The following MMGT1 variants were observed in gnomAD, a reference collection of about 807,000 sequenced individuals.
The protein encoded by MMGT1 is ER membrane protein complex subunit 5.
MMGT1 carries 2 observed loss-of-function variants against 11.7 expected under a neutral mutation model. That is an observed-to-expected ratio of 0.17 (90% confidence interval 0.07 to 0.54). MMGT1 has a LOEUF of 0.54. MMGT1 is among the 20% of genes least tolerant of loss of function. MMGT1 has a pLI of 0.94. For synonymous variants in MMGT1, 49 were observed against 44.4 expected, an observed-to-expected ratio of 1.10 and a Z score of -0.41; for missense variants, 74 against 109.0, an observed-to-expected ratio of 0.68 and a Z score of 1.43.
chrX:135,969,773 C>T (rs1390457257), intron 2 of MMGT1, among the ~76,000 whole-genome samples: 1 of 112,222 alleles, frequency 8.9e-6, no homozygotes, highest in Non-Finnish European at 1.9e-5. Flanking sequence ...ACATGTATAA[C>T]TTTTTAAAGA....
intron 1 of MMGT1, among the ~76,000 whole-genome samples, chrX:135,972,354 T>C (rs1265745954): frequency 8.9e-6 from 1 of 112,715 alleles, no homozygotes; most frequent in East Asian, 2.8e-4. Flanking sequence ...GTATTGACTC[T>C]TGAAGAAGAA....
In MMGT1 at chrX:135,965,088, T is replaced by A. The variant is rs1335445874; in HGVS notation, c.332A>T (p.Asn111Ile). ...TGTGTTAGAGGACAATGCATCTTGG[T>A]TTGAAGAATTTGCTGTATCCGAAGG... ...FRPSDTANSS[N>I]QDALSSNTSL... Residue 111 changes from asparagine to isoleucine, a missense_variant, in exon 4 of 4, where the codon AAC becomes ATC. Asn to Ile is a moderately radical substitution (Grantham distance 149, BLOSUM62 -3). Around this residue, in one of 2 missense-constraint regions of MMGT1, gnomAD observed 34 missense variants for 29.3 expected, o/e 1.16. Transcript: ENST00000305963. 8.3e-7 allele frequency: 1 copy of A among 1,206,409 alleles called. No homozygotes were observed. Among genetic ancestry groups the A allele is most frequent in the African/African-American group, 1.8e-5 (1 of 57,041 alleles).
intron 3 of MMGT1, 98 bp from the exon 4 acceptor site, chrX:135,965,281 T>C: frequency 1.6e-6 from 1 of 619,739 alleles, no homozygotes. Context: ...TACTATGGGT[T>C]ATATTTTTTA....
rs1556612103 is a variant in MMGT1 at position 135,967,480 on chromosome X, G to A, written c.146C>T (p.Thr49Ile). The change falls in exon 3 of 4, where the codon ACA (threonine) becomes ATA (isoleucine). Residue 49 changes from threonine (T) to isoleucine (I), a missense_variant. By Grantham distance (89) the Thr-to-Ile change is moderately conservative. Coordinates refer to ENST00000305963, the MANE Select transcript of MMGT1 (RefSeq NM_173470.3). ...ACAGGTAACTGCAAAGGCCAGAAGTGTCTGAAGAACTATCTGTGAGTATAA... is the reference window on the plus strand; with the variant it reads ...ACAGGTAACTGCAAAGGCCAGAAGTATCTGAAGAACTATCTGTGAGTATAA... ...ESLPIDIVLQ[T>I]LLAFAVTCYG... The A allele has an allele frequency of 8.7e-7, 1 of 1,143,571 alleles. No individual in the cohort carries two copies. Among genetic ancestry groups the A allele is most frequent in the Non-Finnish European group, 1.2e-6 (1 of 842,867 alleles). The allele number at this position is 1,143,571 out of a possible 1,213,427, so 94.2% of individuals were successfully genotyped here. A position where few individuals can be genotyped will look rare whatever the true frequency, so the allele number is the denominator to read the frequency against.
At chrX:135,968,540 T>G (rs1174113684) in intron 2 of MMGT1, among the ~76,000 whole-genome samples, 5 of 107,937 alleles carry the variant, frequency 4.6e-5, no homozygotes, top group African/African-American at 6.8e-5. Flanking sequence ...TGTGTGTGTT[T>G]TCTTTTTTTG....
intron 2 of MMGT1, among the ~76,000 whole-genome samples, chrX:135,968,048 C>T (rs781992882): frequency 3.0e-4 from 34 of 111,809 alleles, no homozygotes; most frequent in African/African-American, 1.1e-3. Context: ...GACGGGGTTT[C>T]TCCATGTTGG....
In MMGT1 at chrX:135,964,994, C is replaced by T; in HGVS notation, c.*30G>A. 1 of 1,185,002 alleles carries T rather than the reference C, an allele frequency of 8.4e-7. No individual in the cohort carries two copies. The highest frequency in any genetic ancestry group is 1.1e-6 in the Non-Finnish European group (1 of 873,611). ...AAACTCCAATATTCCAGCTCTGTGT[C>T]CTGTCCTATTATTATAATTTGTAAA... On this transcript the variant is annotated 3_prime_UTR_variant, in exon 4 of 4. Coordinates refer to ENST00000305963, the MANE Select transcript of MMGT1 (RefSeq NM_173470.3).
chrX:135,969,043 G>A (rs2089202495), intron 2 of MMGT1, among the ~76,000 whole-genome samples: 1 of 111,220 alleles, frequency 9.0e-6, no homozygotes, highest in Non-Finnish European at 1.9e-5. Context: ...CAAAGAGGTT[G>A]AGCGAGCAAA....
At chrX:135,971,309 A>C (rs2089217594) in intron 1 of MMGT1, among the ~76,000 whole-genome samples, 199 bp from the exon 2 acceptor site, 1 of 111,726 alleles carries the variant, frequency 9.0e-6, no homozygotes, top group Non-Finnish European at 1.9e-5. Flanking sequence ...TAAAATAAAA[A>C]ATAAAAAAAG....
intron 1 of MMGT1, among the ~76,000 whole-genome samples, chrX:135,971,873 A>G (rs2089221531): frequency 8.9e-6 from 1 of 112,565 alleles, no homozygotes; most frequent in East Asian, 2.7e-4. Flanking sequence ...CTATAATTTC[A>G]TTTAATTAAA....
Position 135,965,194 on chromosome X carries a change from GA to G in MMGT1, c.237-12del. ...AACGTATCAAATGTCCTTGAAAGAA[GA>G]AAAAAGCATCAATTTTAGATAAACC... On this transcript the variant is annotated splice_polypyrimidine_tract_variant and intron_variant, in intron 3 of 3. Transcript: ENST00000305963. 2 of 1,173,290 alleles carry G rather than the reference GA, an allele frequency of 1.7e-6. No individual in the cohort carries two copies. The highest frequency in any genetic ancestry group is 2.3e-6 in the Non-Finnish European group (2 of 868,261).
chrX:135,963,369 C>T lies in MMGT1; in HGVS notation c.*1655G>A, dbSNP rs1307385590. 8.9e-6 allele frequency: 1 copy of T among 112,070 alleles called. No individual in the cohort carries two copies. The highest frequency in any genetic ancestry group is 1.9e-5 in the Non-Finnish European group (1 of 53,199). The allele number at this position is 112,070 out of a possible 1,213,427, so 9.2% of individuals were successfully genotyped here. A position where few individuals can be genotyped will look rare whatever the true frequency, so the allele number is the denominator to read the frequency against. ...ACCCCAAAGAGAAGGAAACAAGAGG[C>T]TCTTCCAAACCAAATCGTACCAGAA... On this transcript the variant is annotated 3_prime_UTR_variant, in exon 4 of 4. Coordinates refer to ENST00000305963, the MANE Select transcript of MMGT1 (RefSeq NM_173470.3).
intron 2 of MMGT1, 152 bp from the exon 3 acceptor site, chrX:135,967,645 A>C: frequency 2.6e-6 from 1 of 390,286 alleles, no homozygotes; most frequent in Non-Finnish European, 4.5e-6. Flanking sequence ...TGGGATTCAG[A>C]CACAATACAA....
intron 2 of MMGT1, among the ~76,000 whole-genome samples, chrX:135,967,755 G>C (rs2089194128): frequency 8.9e-6 from 1 of 111,842 alleles, no homozygotes; most frequent in African/African-American, 3.2e-5. Flanking sequence ...GAATGGTACT[G>C]AGCCACTCAG....
chrX:135,973,665 G>C lies in MMGT1; in HGVS notation c.11C>G (p.Ser4Trp), dbSNP rs1556612836. 8.6e-7 allele frequency: 1 copy of C among 1,167,469 alleles called. No homozygotes were observed. The highest frequency in any genetic ancestry group is 1.1e-6 in the Non-Finnish European group (1 of 873,064). Reference sequence around the variant, plus strand: ...GATGCCCACCAGCCCCTTCCACAGCGACGGCGCCATGATGCCGAAGGAGCA... The same window carrying C: ...GATGCCCACCAGCCCCTTCCACAGCCACGGCGCCATGATGCCGAAGGAGCA... MAP[S>W]LWKGLVGIGL... The change falls in exon 1 of 4, where the codon TCG becomes TGG. Residue 4 changes from serine (S) to tryptophan (W), a missense_variant. By Grantham distance (177) the Ser-to-Trp change is radical. Around this residue, in one of 2 missense-constraint regions of MMGT1, gnomAD observed 40 missense variants for 79.6 expected, o/e 0.50. Transcript: ENST00000305963.
intron 2 of MMGT1, among the ~76,000 whole-genome samples, chrX:135,969,907 C>T (rs1036533121): frequency 9.0e-6 from 1 of 111,303 alleles, no homozygotes; most frequent in Admixed American, 9.5e-5. Flanking sequence ...TGCCAAGGAA[C>T]GGGGCCAGTT....
rs1302887166 is a variant in MMGT1 at position 135,963,654 on chromosome X, A to G, written c.*1370T>C. ...TTTGGGGCTATGTGTTACCAGTCAG[A>G]AGAGAAGAGCTGATGTCCATTTCTA... On this transcript the variant is annotated 3_prime_UTR_variant, in exon 4 of 4. Transcript: ENST00000305963. The G allele has an allele frequency of 1.8e-5, 2 of 112,424 alleles. No homozygotes were observed. The highest frequency in any genetic ancestry group is 3.8e-5 in the Non-Finnish European group (2 of 53,232). 9.3% of individuals were successfully genotyped at this position (112,424 alleles called of 1,213,427 possible).
In MMGT1 at chrX:135,973,713, G is replaced by A. The variant is rs782154663; in HGVS notation, c.-38C>T. ...GCAGCAGCCCAGCAAAAGAAGCGAA[G>A]GACGGCGGAGCTGTTTCTTCTTCCA... is the stretch of plus-strand genomic sequence containing the variant. On this transcript the variant is annotated 5_prime_UTR_variant, in exon 1 of 4. Coordinates refer to ENST00000305963, the MANE Select transcript of MMGT1 (RefSeq NM_173470.3). 8.6e-7 allele frequency: 1 copy of A among 1,165,323 alleles called. No individual in the cohort carries two copies. Among genetic ancestry groups the A allele is most frequent in the Non-Finnish European group, 1.1e-6 (1 of 872,657 alleles).
chrX:135,970,423 A>G lies in MMGT1; in HGVS notation c.132+635T>C, dbSNP rs181880787. On this transcript the variant is annotated intron_variant, in intron 2 of 3. Coordinates refer to ENST00000305963, the MANE Select transcript of MMGT1 (RefSeq NM_173470.3). Reference sequence around the variant, plus strand: ...CATTTTACCACCTATGTATGTCCCTAAACAATGTACTGTTGGCTTTATTTC... The same window carrying G: ...CATTTTACCACCTATGTATGTCCCTGAACAATGTACTGTTGGCTTTATTTC... Among the ~76,000 whole-genome samples, 661 of 112,284 alleles carry G rather than the reference A, an allele frequency of 5.9e-3. 2 individuals are homozygous for G. The highest frequency in any genetic ancestry group is 9.3e-3 in the Non-Finnish European group (494 of 53,261).
Sources: gnomAD v4.1 joint callset for allele counts (sites outside exome capture counted in the v4.1 genomes callset) on GRCh38, gnomAD v4.1.1 for gene constraint, gnomAD v4.1.1 regional missense constraint, MANE v1.5 for transcripts, NCBI Gene and HGNC (gene_info 2026-07-23, HGNC 2026-07-21) for gene names.